The following SLC4A10 variants were observed in gnomAD, a reference collection of about 807,000 sequenced individuals.
SLC4A10 encodes solute carrier family 4 member 10.
Under a neutral mutation model 137.7 loss-of-function variants are expected in SLC4A10, and 42 were observed. The ratio of observed to expected loss-of-function variants is 0.30; its 90% CI spans 0.24 to 0.39. The LOEUF (loss-of-function observed/expected upper bound fraction) is 0.39, where lower values mean the gene tolerates loss of function less well. Ranked by LOEUF, SLC4A10 falls within the 10% of genes least tolerant of loss-of-function variation. The pLI, the probability that SLC4A10 is intolerant of heterozygous loss-of-function variation, is 1.00. For synonymous variants in SLC4A10, 474 were observed against 464.1 expected, an observed-to-expected ratio of 1.02 and a Z score of -0.27; for missense variants, 925 against 1,355.0, an observed-to-expected ratio of 0.68 and a Z score of 4.98.
chr2:161,778,740 C>A (rs917394185), intron 2 of SLC4A10, among the ~76,000 whole-genome samples: 1 of 151,726 alleles, frequency 6.6e-6, no homozygotes, highest in African/African-American at 2.4e-5. Flanking sequence ...ATAATAAAAT[C>A]TTGGCCTGCA....
chr2:161,859,583 T>C (rs1245006657), intron 5 of SLC4A10, among the ~76,000 whole-genome samples: 23 of 139,790 alleles, frequency 1.6e-4, no homozygotes, highest in Non-Finnish European at 2.6e-4. Flanking sequence ...TTTTTTCTTT[T>C]CTTTTCTTTT....
intron 26 of SLC4A10, among the ~76,000 whole-genome samples, chr2:161,978,377 A>G (rs1699714182): frequency 1.1e-5 from 1 of 89,214 alleles, no homozygotes; most frequent in Non-Finnish European, 2.1e-5. Flanking sequence ...ACAGAGAGAG[A>G]CTCTGTCAAA....
At chr2:161,682,037 CT>C (rs1194476110) in intron 1 of SLC4A10, among the ~76,000 whole-genome samples, 1 of 152,070 alleles carries the variant, frequency 6.6e-6, no homozygotes, top group Non-Finnish European at 1.5e-5. Flanking sequence ...GACTTGTCCT[CT>C]TTTTTCTTGA....
Position 161,950,740 on chromosome 2 carries a change from G to A in SLC4A10, c.2433G>A (p.Trp811Ter). 6.3e-7 allele frequency: 1 copy of A among 1,596,094 alleles called. No homozygotes were observed. Among genetic ancestry groups the A allele is most frequent in the South Asian group, 1.1e-5 (1 of 88,298 alleles). The stretch of plus-strand genomic sequence containing the variant: ...TTACGCCTTTAGGTCCAAACCCATG[G>A]TGGACAGTAATAGCTGCTATAATTC... ...WFVTPLGPNP[W>*]WTVIAAIIPA... The change falls in exon 19 of 27, where the codon TGG (tryptophan) becomes TGA (stop). Residue 811 changes from tryptophan (W) to a stop codon, truncating the protein, a stop_gained. Coordinates refer to ENST00000446997, the MANE Select transcript of SLC4A10 (RefSeq NM_001178015.2). LOFTEE classifies it high-confidence loss of function.
At chr2:161,818,590 T>G (rs952315986) in intron 3 of SLC4A10, among the ~76,000 whole-genome samples, 2 of 152,304 alleles carry the variant, frequency 1.3e-5, no homozygotes, top group African/African-American at 4.8e-5. Flanking sequence ...TTTTTGTCCA[T>G]TCAGTATGAT....
rs2034872691 is a variant in SLC4A10 at position 161,638,944 on chromosome 2, T to TTA, written c.48+14378_48+14379insTA. Among the ~76,000 whole-genome samples, 6 of 151,528 alleles carry TTA rather than the reference T, an allele frequency of 4.0e-5. 1 individual carries two copies. In the South Asian group the frequency reaches 1.3e-3, roughly 32 times the overall value. On this transcript the variant is annotated intron_variant, in intron 1 of 26. Transcript: ENST00000446997. ...AAAGACAAATAAATAAAATCAGAGA[T>TTA]AAAAAAGGAGACATTTCAACTCATG...
intron 14 of SLC4A10, 123 bp downstream of exon 14, chr2:161,905,032 T>G (rs1684016571): frequency 1.0e-6 from 1 of 963,506 alleles, no homozygotes; most frequent in African/African-American, 1.6e-5. Flanking sequence ...TTGTTTCAGT[T>G]TATCATTTTT....
intron 1 of SLC4A10, among the ~76,000 whole-genome samples, chr2:161,644,091 T>C (rs1334492149): frequency 1.3e-5 from 2 of 151,850 alleles, no homozygotes. Flanking sequence ...TTCTTTTTCT[T>C]AACAACACTT....
At chr2:161,644,020 G>A (rs548714399) in intron 1 of SLC4A10, among the ~76,000 whole-genome samples, 3 of 150,722 alleles carry the variant, frequency 2.0e-5, no homozygotes, top group Non-Finnish European at 4.4e-5. Context: ...TTTTATGTCT[G>A]GGTTTTGTTT....
chr2:161,780,685 A>G (rs554668647), intron 2 of SLC4A10, among the ~76,000 whole-genome samples: 13 of 152,144 alleles, frequency 8.5e-5, no homozygotes, highest in Non-Finnish European at 1.9e-4. Context: ...TTTCGATTTA[A>G]TCTATTAATA....
At chr2:161,635,527 A>T (rs1308629964) in intron 1 of SLC4A10, among the ~76,000 whole-genome samples, 1 of 152,136 alleles carries the variant, frequency 6.6e-6, no homozygotes, top group Non-Finnish European at 1.5e-5. Flanking sequence ...TCCTCTTGGT[A>T]GTCATTGCTT....
At chr2:161,845,738 T>A (rs1376735992) in intron 4 of SLC4A10, among the ~76,000 whole-genome samples, 3 of 152,082 alleles carry the variant, frequency 2.0e-5, no homozygotes, top group African/African-American at 4.8e-5. Flanking sequence ...GGAAAAATAA[T>A]CTTTTTGAAA....
intron 1 of SLC4A10, among the ~76,000 whole-genome samples, chr2:161,660,101 C>G (rs2038091099): frequency 6.6e-6 from 1 of 152,096 alleles, no homozygotes; most frequent in Non-Finnish European, 1.5e-5. Flanking sequence ...GTGATGGTTA[C>G]AGAACTCTGT....
chr2:161,768,201 C>T (rs2051139040), intron 1 of SLC4A10, among the ~76,000 whole-genome samples: 1 of 151,974 alleles, frequency 6.6e-6, no homozygotes, highest in Admixed American at 6.6e-5. Flanking sequence ...GAGGAAATAG[C>T]CACCAGATGT....
intron 3 of SLC4A10, among the ~76,000 whole-genome samples, chr2:161,820,312 T>G (rs1197529643): frequency 6.6e-6 from 1 of 152,232 alleles, no homozygotes; most frequent in Non-Finnish European, 1.5e-5. Context: ...TTTTTACAAA[T>G]GTATTTTATT....
At chr2:161,685,611 AAAAC>A (rs143002118) in intron 1 of SLC4A10, among the ~76,000 whole-genome samples, 110,758 of 144,952 alleles carry the variant, frequency 0.76, 42,627 homozygotes, top group Admixed American at 0.83. Context: ...CTGTCTCAGA[AAAAC>A]AAACAAACAA....
intron 15 of SLC4A10, among the ~76,000 whole-genome samples, chr2:161,939,870 T>C (rs1040403541): frequency 2.0e-5 from 3 of 152,168 alleles, no homozygotes; most frequent in Non-Finnish European, 4.4e-5. Context: ...ACTGTGTAAG[T>C]ATTATTTACT....
chr2:161,836,269 A>G (rs1331261985), intron 3 of SLC4A10, among the ~76,000 whole-genome samples: 1 of 152,128 alleles, frequency 6.6e-6, no homozygotes, highest in East Asian at 1.9e-4. Flanking sequence ...AGGCTGAGGC[A>G]GGCAGATCAC....
chr2:161,928,097 C>G (rs369584317), intron 15 of SLC4A10, among the ~76,000 whole-genome samples: 4 of 150,706 alleles, frequency 2.7e-5, no homozygotes, highest in East Asian at 1.9e-4. Flanking sequence ...GCATTATTCA[C>G]AATAGCAAAG....
Sources: gnomAD v4.1 joint callset for allele counts (sites outside exome capture counted in the v4.1 genomes callset) on GRCh38, gnomAD v4.1.1 for gene constraint, MANE v1.5 for transcripts, NCBI Gene and HGNC (gene_info 2026-07-23, HGNC 2026-07-21) for gene names.